Variants in XKR4 observed in about 807,000 individuals in gnomAD.
The protein encoded by XKR4 is XK-related protein 4.
A neutral mutation model predicts 53.9 loss-of-function variants in XKR4; 12 were observed. The observed-to-expected ratio is 0.22, with a 90% confidence interval of 0.14 to 0.36. The LOEUF (loss-of-function observed/expected upper bound fraction) is 0.36, where lower values mean the gene tolerates loss of function less well. Ranked by LOEUF, XKR4 falls within the 10% of genes least tolerant of loss-of-function variation. XKR4 has a pLI of 1.00. For synonymous variants in XKR4, 354 were observed against 362.4 expected, an observed-to-expected ratio of 0.98 and a Z score of 0.26; for missense variants, 799 against 859.5, an observed-to-expected ratio of 0.93 and a Z score of 0.88.
chr8:55,379,655 A>G (rs1804203405), intron 2 of XKR4, among the ~76,000 whole-genome samples: 1 of 152,232 alleles, frequency 6.6e-6, no homozygotes, highest in African/African-American at 2.4e-5. Flanking sequence ...AGGAGAGCAG[A>G]TAGAACCAGG....
chr8:55,342,570 C>A (rs552645822), intron 1 of XKR4, among the ~76,000 whole-genome samples: 1 of 152,116 alleles, frequency 6.6e-6, no homozygotes, highest in East Asian at 1.9e-4. Context: ...TGCCCCCCAC[C>A]GATCTGCTCC....
At chr8:55,450,162 G>A (rs544793760) in intron 2 of XKR4, 15 of 672,612 alleles carry the variant, frequency 2.2e-5, no homozygotes, top group African/African-American at 1.4e-4. Flanking sequence ...GTGAGATGGC[G>A]TCAGGCTGGG....
intron 2 of XKR4, among the ~76,000 whole-genome samples, chr8:55,367,560 T>G (rs1373655051): frequency 6.6e-6 from 1 of 152,180 alleles, no homozygotes; most frequent in Non-Finnish European, 1.5e-5. Flanking sequence ...CAAAGAGTTT[T>G]CCAAAGTGCT....
chr8:55,125,879 C>A (rs1816460914), intron 1 of XKR4, among the ~76,000 whole-genome samples: 1 of 152,154 alleles, frequency 6.6e-6, no homozygotes, highest in Admixed American at 6.5e-5. Context: ...TAAAATCTGC[C>A]TCTCTTGAAA....
chr8:55,256,418 G>A (rs1447392906), intron 1 of XKR4, among the ~76,000 whole-genome samples: 1 of 152,222 alleles, frequency 6.6e-6, no homozygotes, highest in Non-Finnish European at 1.5e-5. Context: ...CTATTCAGTG[G>A]CTGCATTTGC....
intron 1 of XKR4, among the ~76,000 whole-genome samples, chr8:55,191,915 A>T (rs1228231347): frequency 6.6e-6 from 1 of 151,772 alleles, no homozygotes; most frequent in South Asian, 2.1e-4. Flanking sequence ...TCTTTAATAC[A>T]TCTTGAAACT....
chr8:55,102,586 G>T lies in XKR4; in HGVS notation c.98G>T (p.Gly33Val). 6.6e-7 allele frequency: 1 copy of T among 1,521,016 alleles called. No homozygotes were observed. The highest frequency in any genetic ancestry group is 2.0e-5 in the Admixed American group (1 of 51,206). 94.2% of individuals were successfully genotyped at this position (1,521,016 alleles called of 1,614,324 possible). A position where few individuals can be genotyped will look rare whatever the true frequency, so the allele number is the denominator to read the frequency against. ...TCGGACCACTCGGGCTCGGTGCAGGGATTGGCTCCAGGCTTGCCGTCGGGG... is the reference window on the plus strand; with the variant it reads ...TCGGACCACTCGGGCTCGGTGCAGGTATTGGCTCCAGGCTTGCCGTCGGGG... ...QNSDHSGSVQ[G>V]LAPGLPSGSG... The change falls in exon 1 of 3, where the codon GGA (glycine) becomes GTA (valine). Residue 33 changes from glycine to valine, a missense_variant. Transcript: ENST00000327381. The surrounding 1 kb of genome is among the most constrained non-coding windows in gnomAD (Gnocchi z 5.1).
At chr8:55,231,650 C>G (rs147791237) in intron 1 of XKR4, among the ~76,000 whole-genome samples, 2 of 152,034 alleles carry the variant, frequency 1.3e-5, no homozygotes, top group East Asian at 3.9e-4. Context: ...AAGGAATTAC[C>G]AGGCTTGGGA....
chr8:55,166,500 A>C (rs1260323072), intron 1 of XKR4, among the ~76,000 whole-genome samples: 2 of 152,268 alleles, frequency 1.3e-5, no homozygotes, highest in Non-Finnish European at 2.9e-5. Context: ...AACAATAGAC[A>C]AAAGTGTCTG....
intron 1 of XKR4, among the ~76,000 whole-genome samples, chr8:55,301,256 T>G (rs1585997134): frequency 6.6e-6 from 1 of 151,148 alleles, no homozygotes; most frequent in African/African-American, 2.4e-5. Context: ...TTTGGTTTTT[T>G]GTCCTTGGGA....
chr8:55,429,733 G>GAAAA (rs113639586), intron 2 of XKR4, among the ~76,000 whole-genome samples: 9 of 138,818 alleles, frequency 6.5e-5, no homozygotes, highest in African/African-American at 2.3e-4. Context: ...TGTCTTTCTG[G>GAAAA]AAAAAAAAAA....
chr8:55,396,511 C>T (rs1399136425), intron 2 of XKR4, among the ~76,000 whole-genome samples: 1 of 141,662 alleles, frequency 7.1e-6, no homozygotes, highest in African/African-American at 2.7e-5. Flanking sequence ...GGAATGTCAC[C>T]AGAGTCCCCA....
intron 2 of XKR4, among the ~76,000 whole-genome samples, chr8:55,465,976 G>T (rs1052110226): frequency 3.9e-5 from 6 of 152,090 alleles, no homozygotes; most frequent in African/African-American, 1.5e-4. Flanking sequence ...TCATTAAAAA[G>T]TCAGGAAACA....
chr8:55,166,493 A>T (rs1200213394), intron 1 of XKR4, among the ~76,000 whole-genome samples: 1 of 152,252 alleles, frequency 6.6e-6, no homozygotes, highest in Non-Finnish European at 1.5e-5. Context: ...GCAAACAAAC[A>T]ATAGACAAAA....
intron 2 of XKR4, among the ~76,000 whole-genome samples, chr8:55,445,949 C>A (rs1168302227): frequency 2.6e-5 from 4 of 152,232 alleles, no homozygotes; most frequent in Non-Finnish European, 5.9e-5. Context: ...AGGCCTCCGA[C>A]TGCATACTTC....
In XKR4 at chr8:55,535,324, T is replaced by A. The variant is rs768053739; in HGVS notation, c.*11097T>A. 1 of 151,924 alleles carries A rather than the reference T, an allele frequency of 6.6e-6. No homozygotes were observed. Among genetic ancestry groups the A allele is most frequent in the African/African-American group, 2.4e-5 (1 of 41,342 alleles). 9.4% of individuals were successfully genotyped at this position (151,924 alleles called of 1,614,324 possible). ...ATGTGCCATGTTGGTGTGCTGTACC[T>A]ATTAACTCGTCATTTAGCATCAGGT... On this transcript the variant is annotated 3_prime_UTR_variant, in exon 3 of 3. Transcript: ENST00000327381.
At chr8:55,376,993 C>A (rs987051862) in intron 2 of XKR4, among the ~76,000 whole-genome samples, 2 of 148,590 alleles carry the variant, frequency 1.3e-5, no homozygotes, top group Admixed American at 6.7e-5. Flanking sequence ...GAGAGAGAGA[C>A]GGACCCACAA....
chr8:55,495,943 T>A (rs902463519), intron 2 of XKR4, among the ~76,000 whole-genome samples: 2 of 152,196 alleles, frequency 1.3e-5, no homozygotes, highest in African/African-American at 2.4e-5. Flanking sequence ...AAAAGCACCA[T>A]ATGAGAAATA....
chr8:55,459,472 C>A (rs1805616607), intron 2 of XKR4, among the ~76,000 whole-genome samples: 1 of 151,970 alleles, frequency 6.6e-6, no homozygotes, highest in Non-Finnish European at 1.5e-5. Flanking sequence ...CAAATGCCAA[C>A]TTTAGAAAAA....
Sources: allele counts gnomAD v4.1 joint callset (sites outside exome capture counted in the v4.1 genomes callset), GRCh38; gene constraint gnomAD v4.1.1; non-coding constraint Gnocchi (gnomAD v3.1); transcripts MANE v1.5; gene names NCBI Gene and HGNC (gene_info 2026-07-23, HGNC 2026-07-21).